PEX14: variants seen among roughly 807,000 people sequenced by gnomAD.
PEX14 encodes the protein peroxisomal membrane protein PEX14.
Under a neutral mutation model 49.5 loss-of-function variants are expected in PEX14, and 15 were observed. That is an observed-to-expected ratio of 0.30 (90% CI 0.20 to 0.47). The LOEUF is 0.47. PEX14 is among the 20% of genes least tolerant of loss of function. The pLI is 1.00. For missense variants in PEX14, 398 were observed against 494.8 expected, an observed-to-expected ratio of 0.80 and a Z score of 1.86; for synonymous variants, 210 against 212.7, an observed-to-expected ratio of 0.99 and a Z score of 0.11.
In PEX14 at chr1:10,487,002, T is replaced by TA. The variant is rs542545046; in HGVS notation, c.37-8260dup. Among the ~76,000 whole-genome samples the TA allele has an allele frequency of 2.5e-4, 37 of 147,662 alleles. 1 individual carries two copies. Among genetic ancestry groups the TA allele is most frequent in the African/African-American group, 3.0e-4 (12 of 40,592 alleles). On this transcript the variant is annotated intron_variant, in intron 1 of 8. Transcript: ENST00000356607. ...GCACCCAGCCTGAGGCTCTGTCTCT[T>TA]AAAAAAAAAAAATTATTTTTGAATG...
intron 1 of PEX14, among the ~76,000 whole-genome samples, chr1:10,484,234 C>T (rs936364701): frequency 6.6e-6 from 1 of 151,466 alleles, no homozygotes; most frequent in African/African-American, 2.4e-5. Flanking sequence ...GACAAGGTTT[C>T]ACCATGTTGG....
intron 3 of PEX14, among the ~76,000 whole-genome samples, chr1:10,569,548 C>T (rs375320916): frequency 6.6e-6 from 1 of 152,150 alleles, no homozygotes; most frequent in Admixed American, 6.5e-5. Flanking sequence ...TGGTTGAGTT[C>T]CTGTCTTCCA....
At position 10,630,090 on chromosome 1, in the gene PEX14, A is replaced by C; in HGVS notation, c.*103A>C. On this transcript the variant is annotated 3_prime_UTR_variant, in exon 9 of 9. Transcript: ENST00000356607. The surrounding 1 kb of genome is among the most constrained non-coding windows in gnomAD (Gnocchi z 4.1). Reference sequence around the variant, plus strand: ...GCCCTGGGAGGGCAGCTTGGAGCCCAGGTAGGGGGCAGAGCTGTCCTCAGC... The same window carrying C: ...GCCCTGGGAGGGCAGCTTGGAGCCCCGGTAGGGGGCAGAGCTGTCCTCAGC... 6.5e-7 allele frequency: 1 copy of C among 1,550,118 alleles called. No individual in the cohort carries two copies. Among genetic ancestry groups the C allele is most frequent in the Non-Finnish European group, 8.7e-7 (1 of 1,151,288 alleles).
chr1:10,586,619 G>A (rs946843620), intron 3 of PEX14, among the ~76,000 whole-genome samples: 1 of 138,668 alleles, frequency 7.2e-6, no homozygotes, highest in Non-Finnish European at 1.6e-5. Flanking sequence ...AACAAAAGGA[G>A]CCGTTTACCT....
At chr1:10,624,783 A>G (rs1036237902) in intron 7 of PEX14, among the ~76,000 whole-genome samples, 7 of 152,116 alleles carry the variant, frequency 4.6e-5, no homozygotes, top group South Asian at 2.1e-4. Flanking sequence ...GTCTCTACCT[A>G]TAAGTTAGGT....
intron 2 of PEX14, among the ~76,000 whole-genome samples, chr1:10,528,067 T>G (rs1638542904): frequency 6.6e-6 from 1 of 152,244 alleles, no homozygotes. Context: ...TTATCTTCCT[T>G]GGAATTCAGG....
At chr1:10,607,390 C>T (rs1472472012) in intron 4 of PEX14, among the ~76,000 whole-genome samples, 1 of 152,046 alleles carries the variant, frequency 6.6e-6, no homozygotes, top group African/African-American at 2.4e-5. Flanking sequence ...TTTTATTTCT[C>T]TTGGGTGAGC....
chr1:10,616,486 C>A (rs769467375), intron 4 of PEX14, among the ~76,000 whole-genome samples: 1 of 152,208 alleles, frequency 6.6e-6, no homozygotes, highest in Admixed American at 6.5e-5. Flanking sequence ...TCCCTCTCCC[C>A]CTTTCTCCCA....
intron 5 of PEX14, among the ~76,000 whole-genome samples, chr1:10,621,884 C>T (rs536171391): frequency 2.0e-5 from 3 of 152,260 alleles, no homozygotes; most frequent in South Asian, 4.1e-4. Context: ...GTACAGAAAC[C>T]GTAATGGAGA....
intron 3 of PEX14, among the ~76,000 whole-genome samples, chr1:10,553,294 T>C (rs12725704): frequency 0.18 from 27,173 of 152,006 alleles, 2,966 homozygotes; most frequent in Non-Finnish European, 0.25. Context: ...AATTTTTGGC[T>C]TAGGGAGCTG....
At chr1:10,572,758 G>A (rs1640014307) in intron 3 of PEX14, among the ~76,000 whole-genome samples, 2 of 152,076 alleles carry the variant, frequency 1.3e-5, no homozygotes, top group Non-Finnish European at 1.5e-5. Flanking sequence ...GGATGGTCTC[G>A]ATCTCCTGAC....
At chr1:10,619,934 T>C (rs983229929) in intron 5 of PEX14, among the ~76,000 whole-genome samples, 3 of 151,650 alleles carry the variant, frequency 2.0e-5, no homozygotes, top group East Asian at 2.0e-4. Flanking sequence ...GCTAACACGG[T>C]GAAACCCCGA....
chr1:10,491,674 C>CTTTT (rs5772417), intron 1 of PEX14, among the ~76,000 whole-genome samples: 1 of 55,116 alleles, frequency 1.8e-5, no homozygotes, highest in Non-Finnish European at 3.3e-5. Context: ...GGCCATGCTC[C>CTTTT]TTTTTTTTTT....
intron 2 of PEX14, among the ~76,000 whole-genome samples, chr1:10,499,565 C>G (rs984947291): frequency 6.6e-6 from 1 of 151,544 alleles, no homozygotes; most frequent in Non-Finnish European, 1.5e-5. Flanking sequence ...TCTCCTGCCT[C>G]AGCCTCCAGA....
chr1:10,577,714 C>T (rs983796284), intron 3 of PEX14, among the ~76,000 whole-genome samples: 1 of 147,082 alleles, frequency 6.8e-6, no homozygotes, highest in Non-Finnish European at 1.5e-5. Context: ...CATTCTCCTG[C>T]CTCAGCCTCC....
At chr1:10,583,402 TAA>T (rs146183048) in intron 3 of PEX14, among the ~76,000 whole-genome samples, 25 of 142,950 alleles carry the variant, frequency 1.7e-4, no homozygotes, top group South Asian at 1.1e-3. Context: ...TTTTTTTTTT[TAA>T]AAAGGTGAGG....
intron 3 of PEX14, among the ~76,000 whole-genome samples, chr1:10,578,949 GCTGT>G (rs1557855795): frequency 1.3e-5 from 2 of 152,106 alleles, no homozygotes; most frequent in South Asian, 2.1e-4. Context: ...CAAAAATCAA[GCTGT>G]CTAACATAGG....
intron 6 of PEX14, 70 bp from the exon 7 acceptor site, chr1:10,624,270 G>A: frequency 2.1e-6 from 2 of 967,868 alleles, no homozygotes; most frequent in South Asian, 2.6e-5. Context: ...GCTCCGAGGT[G>A]TGCGGACCGA....
chr1:10,609,372 C>CAA (rs1641212358), intron 4 of PEX14, among the ~76,000 whole-genome samples: 1 of 152,134 alleles, frequency 6.6e-6, no homozygotes, highest in Admixed American at 6.5e-5. Context: ...AATTTACATA[C>CAA]AATAAGATAC....
Sources: gnomAD v4.1 joint callset for allele counts (sites outside exome capture counted in the v4.1 genomes callset) on GRCh38, gnomAD v4.1.1 for gene constraint, Gnocchi (gnomAD v3.1) non-coding constraint, MANE v1.5 for transcripts, NCBI Gene and HGNC (gene_info 2026-07-23, HGNC 2026-07-21) for gene names.